SLC39A11: variants seen among roughly 807,000 people sequenced by gnomAD.
SLC39A11 encodes zinc transporter ZIP11.
Under a neutral mutation model 36.1 loss-of-function variants are expected in SLC39A11, and 33 were observed. The observed-to-expected ratio is 0.91, with a 90% CI of 0.69 to 1.22. The LOEUF is 1.22. SLC39A11 is among the 50% of genes most tolerant of loss of function. The pLI is 0.00. For synonymous variants in SLC39A11, 166 were observed against 170.3 expected (o/e 0.97, Z 0.20); for missense variants, 432 against 430.3 (o/e 1.00, Z -0.03).
At chr17:72,968,281 A>G (rs576584811) in intron 4 of SLC39A11, among the ~76,000 whole-genome samples, 6 of 152,374 alleles carry the variant, frequency 3.9e-5, no homozygotes, top group African/African-American at 1.4e-4. Context: ...GACTCAGTCC[A>G]GAGAACAGAG....
At chr17:72,834,899 C>G (rs1197818380) in intron 6 of SLC39A11, among the ~76,000 whole-genome samples, 1 of 152,232 alleles carries the variant, frequency 6.6e-6, no homozygotes, top group Non-Finnish European at 1.5e-5. Context: ...CTGTAGCTTC[C>G]TTGATCTGAA....
chr17:72,736,687 T>C lies in SLC39A11; in HGVS notation c.634A>G (p.Ile212Val), dbSNP rs2074443694. Residue 212 changes from isoleucine to valine, a missense_variant, in exon 7 of 10, where the codon ATA becomes GTA. By Grantham distance (29) the Ile-to-Val change is conservative. Coordinates refer to ENST00000255559, the MANE Select transcript of SLC39A11 (RefSeq NM_139177.4). ...AAGGTAGCAGATGCCGTCTTTTCTA[T>C]AGCCCCAAATCCAACTCCAACAGCG... is the stretch of plus-strand genomic sequence containing the variant. ...GLAVGVGFGAIEKTASATFES... is the reference protein window; with the variant it reads ...GLAVGVGFGAVEKTASATFES... The C allele has an allele frequency of 3.7e-6, 6 of 1,614,112 alleles. No homozygotes were observed. The highest frequency in any genetic ancestry group is 5.1e-6 in the Non-Finnish European group (6 of 1,179,992).
chr17:72,868,095 G>A (rs1005562597), intron 5 of SLC39A11, among the ~76,000 whole-genome samples: 1 of 152,194 alleles, frequency 6.6e-6, no homozygotes, highest in Non-Finnish European at 1.5e-5. Flanking sequence ...ATCACTTGTG[G>A]TTTAATACTG....
intron 7 of SLC39A11, among the ~76,000 whole-genome samples, chr17:72,731,130 T>C (rs2074198069): frequency 1.3e-5 from 2 of 152,214 alleles, no homozygotes; most frequent in South Asian, 2.1e-4. Context: ...GTGACAGAGA[T>C]TATATGGCCC....
At chr17:72,696,709 C>T (rs1338273541) in intron 7 of SLC39A11, among the ~76,000 whole-genome samples, 1 of 152,236 alleles carries the variant, frequency 6.6e-6, no homozygotes, top group Non-Finnish European at 1.5e-5. Flanking sequence ...CAGACCTACT[C>T]ACCTGTTTTT....
At chr17:72,734,314 G>T (rs1183016507) in intron 7 of SLC39A11, among the ~76,000 whole-genome samples, 2 of 152,202 alleles carry the variant, frequency 1.3e-5, no homozygotes, top group Non-Finnish European at 2.9e-5. Flanking sequence ...TTGAGGGAAT[G>T]TTCTTCCCTC....
intron 4 of SLC39A11, among the ~76,000 whole-genome samples, chr17:73,011,411 G>C (rs533656525): frequency 6.6e-6 from 1 of 152,112 alleles, no homozygotes; most frequent in Non-Finnish European, 1.5e-5. Flanking sequence ...GAAGGTAGAG[G>C]AGCCCTTGAA....
intron 7 of SLC39A11, among the ~76,000 whole-genome samples, chr17:72,668,025 G>C (rs1188510921): frequency 2.6e-5 from 4 of 152,130 alleles, no homozygotes; most frequent in Non-Finnish European, 5.9e-5. Context: ...GAGTGAGGGT[G>C]GATCTTGCTG....
intron 4 of SLC39A11, among the ~76,000 whole-genome samples, chr17:73,011,957 T>G (rs1188115284): frequency 6.7e-6 from 1 of 149,648 alleles, no homozygotes; most frequent in African/African-American, 2.5e-5. Context: ...CCACTGCCCC[T>G]GGCCCTAGTT....
At chr17:72,902,412 G>A (rs1331912054) in intron 5 of SLC39A11, among the ~76,000 whole-genome samples, 1 of 149,586 alleles carries the variant, frequency 6.7e-6, no homozygotes, top group East Asian at 2.0e-4. Context: ...ACACTAGGAA[G>A]AGGCAAGTAA....
intron 5 of SLC39A11, among the ~76,000 whole-genome samples, chr17:72,922,960 C>CAAAAAAAAAAAAAAAA (rs10645750): frequency 1.1e-4 from 5 of 44,080 alleles, no homozygotes; most frequent in African/African-American, 2.8e-4. Flanking sequence ...GACTCCTTCT[C>CAAAAAAAAAAAAAAAA]AAAAAAAAAA....
At chr17:72,979,276 G>A (rs927298474) in intron 4 of SLC39A11, among the ~76,000 whole-genome samples, 2 of 152,050 alleles carry the variant, frequency 1.3e-5, no homozygotes, top group Non-Finnish European at 2.9e-5. Context: ...CCCCAGCCAC[G>A]CAGAACTGTG....
intron 5 of SLC39A11, among the ~76,000 whole-genome samples, chr17:72,894,270 G>A (rs2081913113): frequency 7.7e-6 from 1 of 130,714 alleles, no homozygotes; most frequent in Non-Finnish European, 1.6e-5. Flanking sequence ...GCTGAGGCAT[G>A]AGAATCACTT....
chr17:72,646,643 T>C lies in SLC39A11; in HGVS notation c.*941A>G, dbSNP rs1447361483. The stretch of plus-strand genomic sequence containing the variant: ...TCAACAGGGAAGGACCCACAGCAGA[T>C]TCCAAAACTCTTTCATTCACTTGAG... On this transcript the variant is annotated 3_prime_UTR_variant, in exon 10 of 10. Transcript: ENST00000255559. The C allele has an allele frequency of 6.6e-6, 1 of 152,642 alleles. No individual in the cohort carries two copies. Among genetic ancestry groups the C allele is most frequent in the Non-Finnish European group, 1.5e-5 (1 of 68,048 alleles). 9.5% of individuals were successfully genotyped at this position (152,642 alleles called of 1,614,324 possible).
At position 73,041,015 on chromosome 17, in the gene SLC39A11, A is replaced by AC. The variant is rs57956550; in HGVS notation, c.148-9302_148-9301insG. 4.4e-3 allele frequency among the ~76,000 whole-genome samples: 671 copies of AC among 151,268 alleles called. 3 individuals are homozygous for AC. Among genetic ancestry groups the AC allele is most frequent in the African/African-American group, 0.013 (553 of 41,258 alleles). On this transcript the variant is annotated intron_variant, in intron 3 of 9. Coordinates refer to ENST00000255559, the MANE Select transcript of SLC39A11 (RefSeq NM_139177.4). ...AAAAACAAAAAACAAAAAACAAAAA[A>AC]AAAAAACAGTATTAACAGTATCACT...
intron 4 of SLC39A11, among the ~76,000 whole-genome samples, chr17:72,984,328 C>T (rs770949307): frequency 5.3e-5 from 8 of 151,624 alleles, no homozygotes; most frequent in Non-Finnish European, 1.2e-4. Flanking sequence ...TGGTCAAACC[C>T]GGCCCACAGT....
chr17:72,952,960 A>G (rs981233243), intron 4 of SLC39A11, among the ~76,000 whole-genome samples: 1 of 152,050 alleles, frequency 6.6e-6, no homozygotes, highest in Non-Finnish European at 1.5e-5. Flanking sequence ...TGCAGCTCCC[A>G]AATGTCAAGG....
intron 4 of SLC39A11, among the ~76,000 whole-genome samples, chr17:72,999,196 A>G (rs1468997626): frequency 1.3e-5 from 2 of 152,226 alleles, no homozygotes; most frequent in Admixed American, 6.5e-5. Flanking sequence ...TTCCTAGCGC[A>G]ACACTAATAT....
intron 6 of SLC39A11, among the ~76,000 whole-genome samples, chr17:72,847,403 TA>T (rs5821924): frequency 0.093 from 13,069 of 140,802 alleles, 886 homozygotes; most frequent in African/African-American, 0.21. Context: ...CTCTGTCTCA[TA>T]AAAAAAAAAA....
Sources: allele counts gnomAD v4.1 joint callset (sites outside exome capture counted in the v4.1 genomes callset), GRCh38; gene constraint gnomAD v4.1.1; transcripts MANE v1.5; gene names NCBI Gene and HGNC (gene_info 2026-07-23, HGNC 2026-07-21).